The following CEP112 variants were observed in gnomAD, a reference collection of about 807,000 sequenced individuals.
The protein encoded by CEP112 is centrosomal protein 112, also known as centrosomal protein of 112 kDa.
In CEP112, 127 loss-of-function variants were observed where a neutral mutation model predicts 153.0. The ratio of observed to expected loss-of-function variants is 0.83; its 90% CI spans 0.72 to 0.96. The LOEUF (loss-of-function observed/expected upper bound fraction) is 0.96, where lower values mean the gene tolerates loss of function less well. Ranked by LOEUF, CEP112 falls within the 40% of genes least tolerant of loss-of-function variation. The pLI is 0.00. For missense variants in CEP112, 1,089 were observed against 1,101.2 expected (o/e 0.99, Z 0.16); for synonymous variants, 358 against 374.4 (o/e 0.96, Z 0.51).
rs558937190 is a variant in CEP112, at chr17:65,881,031, G to A, written c.2163+21121C>T. 1.4e-4 allele frequency among the ~76,000 whole-genome samples: 22 copies of A among 152,154 alleles called. No individual in the cohort carries two copies. In the South Asian group the frequency reaches 1.5e-3, roughly 10 times the overall value. On this transcript the variant is annotated intron_variant, in intron 20 of 26. Transcript: ENST00000535342. Reference sequence around the variant, plus strand: ...GGAGATCCAGACCATCCTGGCTGACGCAGTGAAACCCTGTCTCTACTAAAA... The same window carrying A: ...GGAGATCCAGACCATCCTGGCTGACACAGTGAAACCCTGTCTCTACTAAAA...
chr17:66,040,001 T>C (rs568699700), intron 12 of CEP112, among the ~76,000 whole-genome samples: 171 of 152,336 alleles, frequency 1.1e-3, no homozygotes, highest in African/African-American at 3.9e-3. Flanking sequence ...TTAAAAATAA[T>C]GTGGCTATGA....
chr17:66,034,207 C>A (rs1284519862), intron 12 of CEP112, among the ~76,000 whole-genome samples: 1 of 152,012 alleles, frequency 6.6e-6, no homozygotes, highest in African/African-American at 2.4e-5. Flanking sequence ...TGATTTCTGG[C>A]CATATTATAG....
chr17:65,860,839 A>G (rs1179589182), intron 20 of CEP112, among the ~76,000 whole-genome samples: 1 of 152,240 alleles, frequency 6.6e-6, no homozygotes, highest in Non-Finnish European at 1.5e-5. Context: ...TAACAGCCCC[A>G]AAGGAGAAAC....
chr17:66,142,210 T>C (rs1340577519), intron 4 of CEP112, among the ~76,000 whole-genome samples: 7 of 152,324 alleles, frequency 4.6e-5, no homozygotes, highest in African/African-American at 1.7e-4. Context: ...AAAATTGGGT[T>C]GTTTTGGGGC....
At position 65,701,983 on chromosome 17, in the gene CEP112, C is replaced by A. The variant is rs565225237; in HGVS notation, c.2608-12765G>T. The stretch of plus-strand genomic sequence containing the variant: ...CTCTGCCTCCTGGCTTCAAGCAATT[C>A]TCCTGCCTCAGCCTCCTGAGTAGCT... On this transcript the variant is annotated intron_variant, in intron 23 of 26. Coordinates refer to ENST00000535342, the MANE Select transcript of CEP112 (RefSeq NM_001199165.4). 2.9e-5 allele frequency among the ~76,000 whole-genome samples: 4 copies of A among 140,326 alleles called. No homozygotes were observed. The East Asian group carries it at 9.5e-4, about 33-fold the overall frequency. 92.1% of individuals were successfully genotyped at this position (140,326 alleles called of 152,430 possible).
In CEP112 at chr17:66,048,150, C is replaced by G. The variant is rs181320845; in HGVS notation, c.1218+5586G>C. ...TTTTTATGTGTGGTTGGTTGAATCA[C>G]AAATGAGGAACCGATAGATCCAGAC... On this transcript the variant is annotated intron_variant, in intron 12 of 26. Transcript: ENST00000535342. 2.3e-3 allele frequency among the ~76,000 whole-genome samples: 344 copies of G among 151,356 alleles called. 3 individuals are homozygous for G. Among genetic ancestry groups the G allele is most frequent in the African/African-American group, 8.1e-3 (334 of 41,144 alleles).
intron 17 of CEP112, among the ~76,000 whole-genome samples, chr17:65,970,645 C>T (rs532127751): frequency 1.3e-4 from 20 of 151,980 alleles, no homozygotes; most frequent in East Asian, 3.9e-4. Context: ...CATGCATGCA[C>T]GCATGTATAT....
chr17:66,129,424 C>A (rs2070021115), intron 6 of CEP112, among the ~76,000 whole-genome samples: 1 of 152,204 alleles, frequency 6.6e-6, no homozygotes, highest in South Asian at 2.1e-4. Flanking sequence ...CTTCCCTCCC[C>A]TCCACCTCGG....
chr17:65,930,302 A>G (rs778081320), intron 18 of CEP112, among the ~76,000 whole-genome samples: 3 of 152,260 alleles, frequency 2.0e-5, no homozygotes, highest in African/African-American at 7.2e-5. Flanking sequence ...AAACATTTCA[A>G]TGCATTTATT....
chr17:65,765,747 T>C (rs1465979975), intron 21 of CEP112, among the ~76,000 whole-genome samples: 1 of 152,120 alleles, frequency 6.6e-6, no homozygotes, highest in Non-Finnish European at 1.5e-5. Flanking sequence ...TCTGTGATAC[T>C]GATCACAGCT....
At chr17:65,995,664 C>G (rs12938123) in intron 17 of CEP112, among the ~76,000 whole-genome samples, 88,759 of 152,012 alleles carry the variant, frequency 0.58, 27,277 homozygotes, top group African/African-American at 0.72. Flanking sequence ...ATTTATCTCT[C>G]AAGTTTTATT....
chr17:66,141,220 A>T (rs1401968608), intron 4 of CEP112, among the ~76,000 whole-genome samples: 1 of 150,772 alleles, frequency 6.6e-6, no homozygotes, highest in African/African-American at 2.5e-5. Context: ...GTTTTCTGTA[A>T]TATTTAATCT....
intron 20 of CEP112, among the ~76,000 whole-genome samples, chr17:65,867,731 CTTTA>C (rs772941633): frequency 4.6e-5 from 7 of 151,920 alleles, no homozygotes; most frequent in African/African-American, 9.6e-5. Context: ...AATAACTTAG[CTTTA>C]TTTATTACTA....
At chr17:65,972,662 C>A (rs2062885388) in intron 17 of CEP112, among the ~76,000 whole-genome samples, 1 of 152,134 alleles carries the variant, frequency 6.6e-6, no homozygotes, top group South Asian at 2.1e-4. Flanking sequence ...AGAAACAATA[C>A]AAATTATCAA....
chr17:65,970,027 G>C (rs757462570), intron 17 of CEP112, among the ~76,000 whole-genome samples: 2 of 152,180 alleles, frequency 1.3e-5, no homozygotes, highest in South Asian at 4.1e-4. Flanking sequence ...GAACATGCAC[G>C]CCACATGCAT....
intron 21 of CEP112, among the ~76,000 whole-genome samples, chr17:65,791,775 A>G (rs1417052026): frequency 6.6e-6 from 1 of 152,216 alleles, no homozygotes; most frequent in Non-Finnish European, 1.5e-5. Context: ...GCTCAGCTCT[A>G]AGGAATCAGA....
intron 20 of CEP112, among the ~76,000 whole-genome samples, chr17:65,888,728 G>A (rs1598897371): frequency 6.6e-6 from 1 of 152,186 alleles, no homozygotes; most frequent in East Asian, 1.9e-4. Context: ...TTCAAGCAAT[G>A]TAATGGACAG....
chr17:65,697,697 T>C (rs1374281100), intron 23 of CEP112, among the ~76,000 whole-genome samples: 1 of 152,208 alleles, frequency 6.6e-6, no homozygotes, highest in Non-Finnish European at 1.5e-5. Context: ...GAGGCCACTA[T>C]AGTTTCTGTT....
chr17:66,134,657 C>T (rs778348513), intron 4 of CEP112, among the ~76,000 whole-genome samples: 35 of 152,146 alleles, frequency 2.3e-4, no homozygotes, highest in Non-Finnish European at 4.4e-4. Flanking sequence ...GGGCAACATG[C>T]GACAAAAAGC....
Sources: allele counts gnomAD v4.1 joint callset (sites outside exome capture counted in the v4.1 genomes callset), GRCh38; gene constraint gnomAD v4.1.1; transcripts MANE v1.5; gene names NCBI Gene and HGNC (gene_info 2026-07-23, HGNC 2026-07-21).